The following KCNK13 variants were observed in gnomAD, a reference collection of about 807,000 sequenced individuals.
KCNK13 encodes potassium channel subfamily K member 13.
In KCNK13, 12 loss-of-function variants were observed where a neutral mutation model predicts 23.4. The observed-to-expected ratio is 0.51, with a 90% CI of 0.33 to 0.83. KCNK13 has a LOEUF of 0.83. Among genes scored for constraint, KCNK13 ranks in the 40% least tolerant of loss-of-function variants. KCNK13 has a pLI of 0.02. For missense variants in KCNK13, 463 were observed against 556.3 expected, an observed-to-expected ratio of 0.83 and a Z score of 1.69; for synonymous variants, 231 against 229.5, an observed-to-expected ratio of 1.01 and a Z score of -0.06.
intron 1 of KCNK13, among the ~76,000 whole-genome samples, chr14:90,075,659 T>C (rs1250070428): frequency 2.0e-5 from 3 of 152,134 alleles, no homozygotes; most frequent in African/African-American, 7.2e-5. Context: ...TTGTATTTTT[T>C]TAGTAGAGAC....
intron 1 of KCNK13, among the ~76,000 whole-genome samples, chr14:90,180,071 A>C (rs1464089115): frequency 6.6e-6 from 1 of 152,132 alleles, no homozygotes; most frequent in African/African-American, 2.4e-5. Context: ...AATGAGCTAC[A>C]CTCAGCCTAG....
At chr14:90,134,443 C>G (rs961341727) in intron 1 of KCNK13, among the ~76,000 whole-genome samples, 1 of 152,108 alleles carries the variant, frequency 6.6e-6, no homozygotes, top group African/African-American at 2.4e-5. Flanking sequence ...GAAGATTAGT[C>G]AGAACTGAGC....
chr14:90,172,389 A>G (rs1401446620), intron 1 of KCNK13, among the ~76,000 whole-genome samples: 1 of 151,710 alleles, frequency 6.6e-6, no homozygotes, highest in African/African-American at 2.4e-5. Flanking sequence ...CTTGCCTTAG[A>G]TTTATAGGTG....
chr14:90,103,873 T>TTTG (rs934022507), intron 1 of KCNK13, among the ~76,000 whole-genome samples: 1 of 152,068 alleles, frequency 6.6e-6, no homozygotes, highest in Non-Finnish European at 1.5e-5. Flanking sequence ...CAGACAGTTT[T>TTTG]TTGTTGTTGT....
intron 1 of KCNK13, among the ~76,000 whole-genome samples, chr14:90,161,146 A>G (rs1890248990): frequency 1.3e-5 from 2 of 152,210 alleles, no homozygotes; most frequent in South Asian, 4.1e-4. Flanking sequence ...TCCATGCTAT[A>G]ACATGGATCA....
chr14:90,100,050 A>G (rs1042684626), intron 1 of KCNK13, among the ~76,000 whole-genome samples: 3 of 152,188 alleles, frequency 2.0e-5, no homozygotes, highest in East Asian at 1.9e-4. Context: ...TGCCCTTCCC[A>G]TCGCAAGCCA....
At chr14:90,157,685 T>C (rs1254574380) in intron 1 of KCNK13, among the ~76,000 whole-genome samples, 2 of 144,306 alleles carry the variant, frequency 1.4e-5, no homozygotes, top group Non-Finnish European at 3.0e-5. Context: ...TGGGCCACCA[T>C]ACCTGGCTTG....
At chr14:90,137,218 G>T (rs1412928256) in intron 1 of KCNK13, among the ~76,000 whole-genome samples, 1 of 152,142 alleles carries the variant, frequency 6.6e-6, no homozygotes. Flanking sequence ...TAGTAACAAG[G>T]TACCTAGTGA....
chr14:90,105,390 C>T (rs1350409827), intron 1 of KCNK13, among the ~76,000 whole-genome samples: 2 of 152,130 alleles, frequency 1.3e-5, no homozygotes, highest in Non-Finnish European at 2.9e-5. Context: ...CTAGAGTCCT[C>T]GCCTGAAATC....
chr14:90,098,686 G>A (rs976338107), intron 1 of KCNK13, among the ~76,000 whole-genome samples: 2 of 151,958 alleles, frequency 1.3e-5, no homozygotes, highest in Admixed American at 1.3e-4. Context: ...TTGCACTGGG[G>A]ATGGAATTGT....
intron 1 of KCNK13, among the ~76,000 whole-genome samples, chr14:90,109,545 A>T (rs1889589206): frequency 6.6e-6 from 1 of 150,402 alleles, no homozygotes; most frequent in African/African-American, 2.5e-5. Context: ...AGTAGCTGGG[A>T]CTACGGGTGC....
At chr14:90,148,107 A>T (rs554058588) in intron 1 of KCNK13, among the ~76,000 whole-genome samples, 25 of 152,148 alleles carry the variant, frequency 1.6e-4, no homozygotes, top group Non-Finnish European at 1.8e-4. Flanking sequence ...AGGTTGCAAT[A>T]AGCTGAGAGC....
chr14:90,063,982 A>G (rs1888977477), intron 1 of KCNK13, among the ~76,000 whole-genome samples: 1 of 152,192 alleles, frequency 6.6e-6, no homozygotes, highest in Non-Finnish European at 1.5e-5. Context: ...ACTGGGTATC[A>G]GGCAGGAAAC....
At chr14:90,135,646 G>A (rs1009492020) in intron 1 of KCNK13, among the ~76,000 whole-genome samples, 1 of 152,154 alleles carries the variant, frequency 6.6e-6, no homozygotes, top group Non-Finnish European at 1.5e-5. Flanking sequence ...TCAGGGTTGG[G>A]CATGAGAAGT....
At chr14:90,087,835 T>C (rs1889299086) in intron 1 of KCNK13, among the ~76,000 whole-genome samples, 1 of 152,140 alleles carries the variant, frequency 6.6e-6, no homozygotes, top group East Asian at 1.9e-4. Context: ...CTCCCTTGTC[T>C]CTGCCTTCTC....
chr14:90,144,271 T>G (rs1231735726), intron 1 of KCNK13, among the ~76,000 whole-genome samples: 1 of 152,190 alleles, frequency 6.6e-6, no homozygotes, highest in Non-Finnish European at 1.5e-5. Flanking sequence ...TTGTACATCT[T>G]TTGTCAAATT....
chr14:90,101,857 C>T (rs1372999266), intron 1 of KCNK13, among the ~76,000 whole-genome samples: 1 of 146,706 alleles, frequency 6.8e-6, no homozygotes, highest in Non-Finnish European at 1.5e-5. Flanking sequence ...AACCAAATAC[C>T]ACCTGTTCCC....
chr14:90,152,605 ATGTGGAAC>A (rs1258708069), intron 1 of KCNK13, among the ~76,000 whole-genome samples: 1 of 152,082 alleles, frequency 6.6e-6, no homozygotes, highest in Admixed American at 6.5e-5. Context: ...CTCTCCAGCC[ATGTGGAAC>A]TGTGAGTTCA....
At chr14:90,170,836 T>C (rs1470477219) in intron 1 of KCNK13, among the ~76,000 whole-genome samples, 1 of 152,190 alleles carries the variant, frequency 6.6e-6, no homozygotes, top group Non-Finnish European at 1.5e-5. Context: ...TTTGTGTCTG[T>C]TGGACAGGGC....
Sources: allele counts gnomAD v4.1 joint callset (sites outside exome capture counted in the v4.1 genomes callset), GRCh38; gene constraint gnomAD v4.1.1; transcripts MANE v1.5; gene names NCBI Gene and HGNC (gene_info 2026-07-23, HGNC 2026-07-21).